Variants in ZFR observed in about 807,000 individuals in gnomAD.
The protein encoded by ZFR is zinc finger RNA binding protein, also known as zinc finger RNA-binding protein.
ZFR carries 19 observed loss-of-function variants against 130.7 expected under a neutral mutation model. That is an observed-to-expected ratio of 0.15 (90% confidence interval 0.10 to 0.21). ZFR has a LOEUF of 0.21. ZFR is among the 10% of genes least tolerant of loss of function. The pLI, the probability that ZFR is intolerant of heterozygous loss-of-function variation, is 1.00. For synonymous variants in ZFR, 466 were observed against 456.9 expected (o/e 1.02, Z -0.25); for missense variants, 872 against 1,321.5 (o/e 0.66, Z 5.27).
Position 32,420,411 on chromosome 5 carries a change from A to G in ZFR, c.138-308T>C, listed in dbSNP as rs560175199. Among the ~76,000 whole-genome samples, 19 of 152,330 alleles carry G rather than the reference A, an allele frequency of 1.2e-4. No individual in the cohort carries two copies. The East Asian group carries it at 1.7e-3, about 14-fold the overall frequency. On this transcript the variant is annotated intron_variant, in intron 2 of 19. Transcript: ENST00000265069. ...ATTAAAAACTAGGATAAAAAACAGT[A>G]TTAGGAAGAAAAGAAAAAACTGACC...
At chr5:32,443,510 C>T (rs1428660883) in intron 2 of ZFR, among the ~76,000 whole-genome samples, 1 of 152,250 alleles carries the variant, frequency 6.6e-6, no homozygotes, top group Non-Finnish European at 1.5e-5. Context: ...CATTTATCAG[C>T]ACTAGAAACT....
rs1247942452 is a variant in ZFR at position 32,390,264 on chromosome 5, T to C, written c.2142+11A>G. The C allele has an allele frequency of 4.4e-6, 7 of 1,608,856 alleles. No individual in the cohort carries two copies. The highest frequency in any genetic ancestry group is 1.7e-5 in the Admixed American group (1 of 59,766). On this transcript the variant is annotated intron_variant, in intron 12 of 19. Coordinates refer to ENST00000265069, the MANE Select transcript of ZFR (RefSeq NM_016107.5). ...ACTTTCACCCCTTGTATCACCAACG[T>C]GGACACTCACTGCAGGCCCCTGAGG...
chr5:32,363,342 G>A (rs1752474675), intron 19 of ZFR, among the ~76,000 whole-genome samples: 1 of 152,048 alleles, frequency 6.6e-6, no homozygotes, highest in African/African-American at 2.4e-5. Flanking sequence ...ATTCAATAGG[G>A]TTAATAAGAT....
At chr5:32,437,807 T>G (rs1365554560) in intron 2 of ZFR, among the ~76,000 whole-genome samples, 2 of 152,188 alleles carry the variant, frequency 1.3e-5, no homozygotes, top group Non-Finnish European at 2.9e-5. Context: ...CTATTTTAAC[T>G]CAATAATCTG....
chr5:32,400,251 A>G (rs1235510205), intron 8 of ZFR, 48 bp from the exon 9 acceptor site: 30 of 1,362,806 alleles, frequency 2.2e-5, no homozygotes, highest in Non-Finnish European at 2.7e-5. Flanking sequence ...TTGTATAAAT[A>G]TATATACCTG....
intron 7 of ZFR, 68 bp from the exon 8 acceptor site, chr5:32,403,465 T>C: frequency 6.6e-7 from 1 of 1,520,996 alleles, no homozygotes; most frequent in Non-Finnish European, 8.8e-7. Context: ...GCCTGGAACA[T>C]TATAAAATGA....
intron 19 of ZFR, among the ~76,000 whole-genome samples, chr5:32,362,378 T>C (rs1367720386): frequency 6.6e-6 from 1 of 152,116 alleles, no homozygotes; most frequent in East Asian, 1.9e-4. Context: ...GTAGACACTG[T>C]GGAAGGAAAT....
chr5:32,402,975 T>A lies in ZFR; in HGVS notation c.1516+131A>T, dbSNP rs554536501. On this transcript the variant is annotated intron_variant, in intron 8 of 19. Transcript: ENST00000265069. ...AAAATACACACACACTAGGCAGATA[T>A]GTGAAGAAACAAGGTCCCAGAGAGA... 6.5e-5 allele frequency: 54 copies of A among 827,858 alleles called. No individual in the cohort carries two copies. The East Asian group carries it at 1.4e-3, about 21-fold the overall frequency. 51.3% of individuals were successfully genotyped at this position (827,858 alleles called of 1,614,324 possible).
At chr5:32,380,209 T>C (rs758985346) in intron 15 of ZFR, 37 bp from the exon 16 acceptor site, 8 of 1,542,180 alleles carry the variant, frequency 5.2e-6, no homozygotes, top group Admixed American at 3.4e-5. Context: ...CAGTGAGGAA[T>C]GGGTGTTTGA....
chr5:32,407,079 A>C (rs1561899366), intron 5 of ZFR, 58 bp from the exon 6 acceptor site: 1 of 1,332,672 alleles, frequency 7.5e-7, no homozygotes. Context: ...GACAAGTTAA[A>C]ATTTACAAAT....
chr5:32,391,751 G>A lies in ZFR; in HGVS notation c.1980-1314C>T, dbSNP rs150446063. On this transcript the variant is annotated intron_variant, in intron 11 of 19. Transcript: ENST00000265069. ...GAAACTACCAATTTCCTCAGGTTGG[G>A]AATAAGCAGTGCTTTTTTTTCCCTT... Among the ~76,000 whole-genome samples, 37 of 152,112 alleles carry A rather than the reference G, an allele frequency of 2.4e-4. No homozygotes were observed. In the East Asian group the frequency reaches 3.3e-3, roughly 14 times the overall value.
At chr5:32,408,081 A>G (rs975918842) in intron 5 of ZFR, among the ~76,000 whole-genome samples, 1 of 152,156 alleles carries the variant, frequency 6.6e-6, no homozygotes, top group African/African-American at 2.4e-5. Flanking sequence ...AGTTATAACT[A>G]AACTTGCCTT....
At chr5:32,377,216 C>T (rs1752840853) in intron 17 of ZFR, among the ~76,000 whole-genome samples, 1 of 147,414 alleles carries the variant, frequency 6.8e-6, no homozygotes, top group Non-Finnish European at 1.5e-5. Flanking sequence ...ATTTCTCTTT[C>T]TCTCTCTCTC....
chr5:32,370,784 A>G (rs1456094276), intron 17 of ZFR, among the ~76,000 whole-genome samples: 3 of 152,304 alleles, frequency 2.0e-5, no homozygotes, highest in Admixed American at 6.5e-5. Flanking sequence ...CAACATTACA[A>G]CAGAACTCTA....
chr5:32,406,714 G>A (rs747228157), intron 6 of ZFR, 60 bp downstream of exon 6: 2 of 1,545,614 alleles, frequency 1.3e-6, no homozygotes, highest in South Asian at 2.5e-5. Flanking sequence ...TCAGGAGTTA[G>A]AATACCAACT....
At chr5:32,381,795 T>C (rs75833750) in intron 15 of ZFR, among the ~76,000 whole-genome samples, 4,847 of 152,190 alleles carry the variant, frequency 0.032, 102 homozygotes, top group Middle Eastern at 0.044. Context: ...GAAAGACAGA[T>C]AATCAAGGAA....
Position 32,400,927 on chromosome 5 carries a change from C to G in ZFR, c.1517-724G>C, listed in dbSNP as rs374091623. ...AAAGTTAAGTTCAATGATTAGGTCT[C>G]TCTGCAAACTTAGTCCAAACAAAGT... On this transcript the variant is annotated intron_variant, in intron 8 of 19. Transcript: ENST00000265069. Among the ~76,000 whole-genome samples the G allele has an allele frequency of 1.2e-4, 18 of 152,292 alleles. No homozygotes were observed. The East Asian group carries it at 2.7e-3, about 23-fold the overall frequency.
chr5:32,383,427 G>A (rs1440593306), intron 15 of ZFR, among the ~76,000 whole-genome samples: 1 of 152,182 alleles, frequency 6.6e-6, no homozygotes, highest in African/African-American at 2.4e-5. Flanking sequence ...GCAAGGGTTA[G>A]AGCATTCTGA....
chr5:32,415,515 T>A (rs75975219), intron 4 of ZFR, among the ~76,000 whole-genome samples: 2 of 97,936 alleles, frequency 2.0e-5, no homozygotes, highest in Non-Finnish European at 4.1e-5. Context: ...TGTGTGTGTG[T>A]GCGCGCGCGC....
Sources: gnomAD v4.1 joint callset for allele counts (sites outside exome capture counted in the v4.1 genomes callset) on GRCh38, gnomAD v4.1.1 for gene constraint, MANE v1.5 for transcripts, NCBI Gene and HGNC (gene_info 2026-07-23, HGNC 2026-07-21) for gene names.